TMEM266: variants seen among roughly 807,000 people sequenced by gnomAD.
TMEM266 encodes the protein Hv1 related protein 1.
TMEM266 carries 33 observed loss-of-function variants against 50.5 expected under a neutral mutation model. The observed-to-expected ratio is 0.65, with a 90% confidence interval of 0.50 to 0.87. TMEM266 has a LOEUF of 0.87. TMEM266 is among the 40% of genes least tolerant of loss of function. TMEM266 has a pLI of 0.00. For synonymous variants in TMEM266, 310 were observed against 292.3 expected (o/e 1.06, Z -0.62); for missense variants, 655 against 695.1 (o/e 0.94, Z 0.65).
chr15:76,120,408 A>G (rs2037322242), intron 1 of TMEM266, among the ~76,000 whole-genome samples: 1 of 152,210 alleles, frequency 6.6e-6, no homozygotes, highest in South Asian at 2.1e-4. Flanking sequence ...TGTGAATAAT[A>G]TGTATTAAAA....
chr15:76,179,369 C>T (rs2038357879), intron 8 of TMEM266, among the ~76,000 whole-genome samples: 1 of 152,150 alleles, frequency 6.6e-6, no homozygotes, highest in South Asian at 2.1e-4. Context: ...TCCACCAGCC[C>T]CACCACACCT....
Position 76,064,280 on chromosome 15 carries a change from C to T in TMEM266, c.-97+4264C>T, listed in dbSNP as rs72734592. 7.9e-3 allele frequency among the ~76,000 whole-genome samples: 1,200 copies of T among 152,306 alleles called. 4 individuals are homozygous for T. The highest frequency in any genetic ancestry group is 0.013 in the Non-Finnish European group (863 of 68,024). On this transcript the variant is annotated intron_variant, in intron 1 of 10. Transcript: ENST00000388942. ...CATTAAATACCTGTTGGTGTCATCC[C>T]TGTTTGAGCCAGGGTCTGAGAGTTC...
intron 5 of TMEM266, among the ~76,000 whole-genome samples, chr15:76,167,353 C>T: frequency 6.6e-6 from 1 of 151,602 alleles, no homozygotes; most frequent in Non-Finnish European, 1.5e-5. Flanking sequence ...GCCTGTAGTC[C>T]CAGCTACTCG....
chr15:76,135,442 G>A (rs1420216869), intron 2 of TMEM266, among the ~76,000 whole-genome samples: 1 of 152,214 alleles, frequency 6.6e-6, no homozygotes, highest in African/African-American at 2.4e-5. Flanking sequence ...GCCAGAAATA[G>A]TTTGTTCGCA....
intron 3 of TMEM266, among the ~76,000 whole-genome samples, 187 bp downstream of exon 3, chr15:76,138,082 T>C (rs1268735581): frequency 6.6e-6 from 1 of 151,658 alleles, no homozygotes; most frequent in African/African-American, 2.4e-5. Flanking sequence ...ATTAGCCGAG[T>C]GTGGTGGTGC....
intron 9 of TMEM266, among the ~76,000 whole-genome samples, chr15:76,193,514 T>C (rs930791884): frequency 6.6e-6 from 1 of 152,222 alleles, no homozygotes; most frequent in Non-Finnish European, 1.5e-5. Context: ...AGCCACTGTG[T>C]CCAGCCACTC....
intron 1 of TMEM266, among the ~76,000 whole-genome samples, chr15:76,132,752 G>A (rs967055837): frequency 5.3e-5 from 8 of 149,668 alleles, no homozygotes; most frequent in Non-Finnish European, 8.9e-5. Context: ...CCAAAATTGC[G>A]CCACTGCACT....
intron 1 of TMEM266, among the ~76,000 whole-genome samples, chr15:76,118,341 C>T (rs2142017030): frequency 6.6e-6 from 1 of 152,320 alleles, no homozygotes; most frequent in Non-Finnish European, 1.5e-5. Context: ...GCAGGTGGAT[C>T]ACTTGCAGTC....
At chr15:76,202,348 C>A in intron 10 of TMEM266, 84 bp downstream of exon 10, 1 of 1,231,212 alleles carries the variant, frequency 8.1e-7, no homozygotes, top group Admixed American at 2.0e-5. Flanking sequence ...GGCTTCAAAG[C>A]ATGCCCATCA....
rs1211058738 is a variant in TMEM266, at chr15:76,153,222, C to G, written c.228-3382C>G. Among the ~76,000 whole-genome samples, 1 of 152,174 alleles carries G rather than the reference C, an allele frequency of 6.6e-6. No individual in the cohort carries two copies. Among genetic ancestry groups the G allele is most frequent in the East Asian group, 1.9e-4 (1 of 5,198 alleles). ...TGGAGGCAGGTCAAGGTCTGAGTCT[C>G]CTGTTGATAGGGAACTGAATATATG... On this transcript the variant is annotated intron_variant, in intron 3 of 10. Transcript: ENST00000388942. This position sits in a 1 kb window ranked among gnomAD's most constrained non-coding sequence, Gnocchi z 4.2.
chr15:76,186,146 G>C (rs1478645088), intron 8 of TMEM266, among the ~76,000 whole-genome samples: 12 of 152,174 alleles, frequency 7.9e-5, no homozygotes, highest in Non-Finnish European at 1.8e-4. Context: ...CTAGAAGCCA[G>C]GGGCGTGGGC....
intron 1 of TMEM266, among the ~76,000 whole-genome samples, chr15:76,073,528 G>A (rs1427875439): frequency 2.0e-5 from 3 of 152,124 alleles, no homozygotes; most frequent in Non-Finnish European, 4.4e-5. Flanking sequence ...CCACCATGCC[G>A]GGCCAAATTT....
At chr15:76,146,473 C>T (rs1417649846) in intron 3 of TMEM266, among the ~76,000 whole-genome samples, 2 of 152,100 alleles carry the variant, frequency 1.3e-5, no homozygotes, top group Admixed American at 6.6e-5. Context: ...GGAGGAAGTT[C>T]GGGTCTTGGG....
chr15:76,194,252 C>G (rs1052676049), intron 9 of TMEM266, among the ~76,000 whole-genome samples: 53 of 152,364 alleles, frequency 3.5e-4, no homozygotes, highest in African/African-American at 1.2e-3. Flanking sequence ...TGCCTTTACT[C>G]CAGGGCTTGG....
At position 76,203,828 on chromosome 15, in the gene TMEM266, C is replaced by T; in HGVS notation, c.1109C>T (p.Ser370Phe). The change falls in exon 11 of 11, where the codon TCT becomes TTT. Residue 370 changes from serine to phenylalanine, a missense_variant. Around this residue, in one of 3 missense-constraint regions of TMEM266, gnomAD observed 455 missense variants for 401.8 expected, o/e 1.13. Transcript: ENST00000388942. The stretch of plus-strand genomic sequence containing the variant: ...CCCAACATCTCCTCGGACCTCTTCT[C>T]TCTGGACATGCCCCTCAAACTCGGC... 6.2e-7 allele frequency: 1 copy of T among 1,614,240 alleles called. No homozygotes were observed. The highest frequency in any genetic ancestry group is 1.1e-5 in the South Asian group (1 of 91,086).
At chr15:76,157,450 G>A (rs1415365661) in intron 4 of TMEM266, among the ~76,000 whole-genome samples, 4 of 152,182 alleles carry the variant, frequency 2.6e-5, no homozygotes, top group Admixed American at 1.3e-4. Context: ...CTTGGCATTT[G>A]TCTTAGTTTC....
chr15:76,103,910 CA>C (rs35293752), intron 1 of TMEM266, among the ~76,000 whole-genome samples: 38,654 of 126,736 alleles, frequency 0.3, 5,241 homozygotes, highest in African/African-American at 0.37. Context: ...GACTCCATCT[CA>C]AAAAAAAAAA....
intron 6 of TMEM266, among the ~76,000 whole-genome samples, chr15:76,170,387 T>C (rs2038168819): frequency 6.6e-6 from 1 of 152,168 alleles, no homozygotes. Flanking sequence ...TTTCAGCCTC[T>C]TTGGCTCAGT....
chr15:76,190,700 G>A (rs976690459), intron 8 of TMEM266, among the ~76,000 whole-genome samples: 1 of 152,204 alleles, frequency 6.6e-6, no homozygotes, highest in Non-Finnish European at 1.5e-5. Flanking sequence ...AGACAGTGAG[G>A]AGTCCTGCTT....
Sources: gnomAD v4.1 joint callset for allele counts (sites outside exome capture counted in the v4.1 genomes callset) on GRCh38, gnomAD v4.1.1 for gene constraint, gnomAD v4.1.1 regional missense constraint, Gnocchi (gnomAD v3.1) non-coding constraint, MANE v1.5 for transcripts, NCBI Gene and HGNC (gene_info 2026-07-23, HGNC 2026-07-21) for gene names.